DYNLT2: variants seen among roughly 807,000 people sequenced by gnomAD.
DYNLT2 encodes dynein light chain Tctex-type 2, also known as dynein light chain Tctex-type protein 2.
DYNLT2 carries 24 observed loss-of-function variants against 24.3 expected under a neutral mutation model. That is an observed-to-expected ratio of 0.99 (90% CI 0.71 to 1.39). DYNLT2 has a LOEUF of 1.39. Ranked by LOEUF, DYNLT2 falls within the 40% of genes most tolerant of loss-of-function variation. The pLI, the probability that DYNLT2 is intolerant of heterozygous loss-of-function variation, is 0.00. For synonymous variants in DYNLT2, 85 were observed against 85.4 expected, an observed-to-expected ratio of 1.00 and a Z score of 0.03; for missense variants, 246 against 234.5, an observed-to-expected ratio of 1.05 and a Z score of -0.32.
At chr6:169,747,993 C>T (rs1310421798) in intron 1 of DYNLT2, among the ~76,000 whole-genome samples, 1 of 152,192 alleles carries the variant, frequency 6.6e-6, no homozygotes, top group Non-Finnish European at 1.5e-5. Flanking sequence ...AGAACTTGTT[C>T]TCTATTTTTT....
chr6:169,749,152 T>G (rs562370774), intron 1 of DYNLT2, among the ~76,000 whole-genome samples: 1 of 152,136 alleles, frequency 6.6e-6, no homozygotes, highest in Non-Finnish European at 1.5e-5. Context: ...CAGGCTGGAG[T>G]GCAGTGGCAT....
At chr6:169,743,338 G>T in intron 2 of DYNLT2, 100 bp from the exon 3 acceptor site, 1 of 529,846 alleles carries the variant, frequency 1.9e-6, no homozygotes. Context: ...ATATATAACT[G>T]TTTTAAAATA....
intron 3 of DYNLT2, among the ~76,000 whole-genome samples, chr6:169,741,858 C>T (rs778505592): frequency 2.6e-5 from 4 of 152,142 alleles, no homozygotes; most frequent in African/African-American, 7.2e-5. Context: ...TCATCTACAA[C>T]GTCCCTATTT....
chr6:169,748,854 G>A (rs1282975730), intron 1 of DYNLT2, among the ~76,000 whole-genome samples: 4 of 152,106 alleles, frequency 2.6e-5, no homozygotes, highest in African/African-American at 9.7e-5. Context: ...TCTCCTTTGT[G>A]TATAATATTG....
the DYNLT2 span, chr6:169,725,510 G>C: frequency 2.5e-6 from 1 of 395,166 alleles, no homozygotes; most frequent in African/African-American, 2.1e-5. Context: ...CAGACCATCC[G>C]TTCTTGCCTC....
chr6:169,751,376 C>A lies in DYNLT2; in HGVS notation c.83G>T (p.Arg28Met), dbSNP rs775968287. Reference sequence around the variant, plus strand: ...GAACATGCTAGGCCTCCTTTCTTTCCTAGGCGTCACCGGAGCCTGCTGAGG... The same window carrying A: ...GAACATGCTAGGCCTCCTTTCTTTCATAGGCGTCACCGGAGCCTGCTGAGG... Reference protein sequence around the residue: ...QTPQQAPVTPRKERRPSMFEK... With the variant: ...QTPQQAPVTPMKERRPSMFEK... Residue 28 changes from arginine to methionine, a missense_variant, in exon 1 of 4, where the codon AGG (arginine) becomes ATG (methionine). Physicochemically the swap from Arg to Met is moderately conservative, Grantham distance 91 (BLOSUM62 -1). Coordinates refer to ENST00000366774, the MANE Select transcript of DYNLT2 (RefSeq NM_174910.3). 1 of 1,614,170 alleles carries A rather than the reference C, an allele frequency of 6.2e-7. No homozygotes were observed. The highest frequency in any genetic ancestry group is 1.1e-5 in the South Asian group (1 of 91,080).
chr6:169,731,118 A>G, the DYNLT2 span, among the ~76,000 whole-genome samples: 3 of 152,090 alleles, frequency 2.0e-5, no homozygotes, highest in African/African-American at 4.8e-5. Flanking sequence ...TGTTAGAGGA[A>G]AGGCAATAAT....
At chr6:169,746,858 T>G (rs546107349) in intron 1 of DYNLT2, among the ~76,000 whole-genome samples, 1 of 151,750 alleles carries the variant, frequency 6.6e-6, no homozygotes, top group East Asian at 2.0e-4. Context: ...CATATGTTTC[T>G]GAGTTTTTTG....
chr6:169,743,211 C>T lies in DYNLT2; in HGVS notation c.355G>A (p.Asp119Asn), dbSNP rs751880193. 10 of 1,560,484 alleles carry T rather than the reference C, an allele frequency of 6.4e-6. No homozygotes were observed. The highest frequency in any genetic ancestry group is 7.9e-6 in the Non-Finnish European group (9 of 1,146,472). ...TESLKDVKYD[D>N]KVFSHLSLEL... ...AGTGACAAGTGAGAGAATACTTTAT[C>T]ATCATATTTGACATCTTTAAGACTT... The change falls in exon 3 of 4, where the codon GAT (aspartate) becomes AAT (asparagine). Residue 119 changes from aspartate to asparagine, a missense_variant. Transcript: ENST00000366774.
the DYNLT2 span, among the ~76,000 whole-genome samples, chr6:169,730,681 G>C: frequency 1.3e-5 from 2 of 152,132 alleles, no homozygotes; most frequent in South Asian, 4.1e-4. Flanking sequence ...GATGGATCAC[G>C]AAGTCAGGAG....
chr6:169,745,712 C>G, intron 1 of DYNLT2, among the ~76,000 whole-genome samples: 1 of 152,188 alleles, frequency 6.6e-6, no homozygotes, highest in East Asian at 1.9e-4. Context: ...AGTGTTAATA[C>G]ATGATACAGG....
chr6:169,728,779 T>A, the DYNLT2 span, among the ~76,000 whole-genome samples: 1 of 152,238 alleles, frequency 6.6e-6, no homozygotes, highest in Admixed American at 6.5e-5. Flanking sequence ...CCAATAGTAG[T>A]GTGAACTGTT....
the DYNLT2 span, chr6:169,725,640 T>G: frequency 1.2e-5 from 3 of 244,948 alleles, no homozygotes; most frequent in Non-Finnish European, 2.3e-5. Context: ...GCGGTTTTTT[T>G]TTTAAGAAAA....
chr6:169,744,361 T>C (rs1789747769), intron 1 of DYNLT2, 87 bp from the exon 2 acceptor site: 1 of 1,131,716 alleles, frequency 8.8e-7, no homozygotes, highest in African/African-American at 1.6e-5. Flanking sequence ...AATAAGCCTG[T>C]ACAGTGGGAC....
the DYNLT2 span, among the ~76,000 whole-genome samples, chr6:169,734,024 T>C: frequency 6.6e-6 from 1 of 152,154 alleles, no homozygotes; most frequent in East Asian, 1.9e-4. Flanking sequence ...TATTCCTAGG[T>C]ATTTTATTCT....
At position 169,751,485 on chromosome 6, in the gene DYNLT2, C is replaced by T. The variant is rs201712120; in HGVS notation, c.-27G>A. 4.3e-5 allele frequency: 69 copies of T among 1,612,032 alleles called. No homozygotes were observed. The African/African-American group carries it at 8.7e-4, about 20-fold the overall frequency. On this transcript the variant is annotated 5_prime_UTR_variant, in exon 1 of 4. Coordinates refer to ENST00000366774, the MANE Select transcript of DYNLT2 (RefSeq NM_174910.3). ...TCGCTCTGTTCTCCAAGACGCCCAC[C>T]GCCTCCCCTTCACCGCCGGCGGTCA...
At chr6:169,747,055 T>G (rs561668202) in intron 1 of DYNLT2, among the ~76,000 whole-genome samples, 1 of 151,616 alleles carries the variant, frequency 6.6e-6, no homozygotes, top group East Asian at 2.0e-4. Context: ...GCTGGAAGTC[T>G]TACCTTTGCT....
chr6:169,748,008 C>G (rs1163877108), intron 1 of DYNLT2, among the ~76,000 whole-genome samples: 1 of 152,182 alleles, frequency 6.6e-6, no homozygotes, highest in Non-Finnish European at 1.5e-5. Context: ...TTTTTTCCCA[C>G]TACTGAGGCA....
chr6:169,751,209 A>C (rs939180954), intron 1 of DYNLT2, 130 bp downstream of exon 1: 26 of 1,402,742 alleles, frequency 1.9e-5, no homozygotes, highest in African/African-American at 7.2e-5. Flanking sequence ...TGGGGAAAAA[A>C]GAAACACAAA....
Sources: gnomAD v4.1 joint callset for allele counts (sites outside exome capture counted in the v4.1 genomes callset) on GRCh38, gnomAD v4.1.1 for gene constraint, MANE v1.5 for transcripts, NCBI Gene and HGNC (gene_info 2026-07-23, HGNC 2026-07-21) for gene names.